Variants in CCDC171 observed in about 807,000 individuals in gnomAD.
CCDC171 encodes the protein coiled-coil domain-containing protein 171.
In CCDC171, 177 loss-of-function variants were observed where a neutral mutation model predicts 168.2. That is an observed-to-expected ratio of 1.05 (90% CI 0.93 to 1.19). The LOEUF (loss-of-function observed/expected upper bound fraction) is 1.19, where lower values mean the gene tolerates loss of function less well. Ranked by LOEUF, CCDC171 falls within the 50% of genes most tolerant of loss-of-function variation. CCDC171 has a pLI of 0.00. For synonymous variants in CCDC171, 687 were observed against 540.8 expected (o/e 1.27, Z -3.75); for missense variants, 1,991 against 1,539.0 (o/e 1.29, Z -4.91).
At chr9:15,990,779 G>A (rs910775128) in intron 3 of CCDC171, among the ~76,000 whole-genome samples, 3 of 152,154 alleles carry the variant, frequency 2.0e-5, no homozygotes, top group Non-Finnish European at 4.4e-5. Context: ...TGCAATCCTG[G>A]TCTCTGATAA....
chr9:15,768,959 A>T (rs2056872763), intron 18 of CCDC171, among the ~76,000 whole-genome samples: 1 of 152,200 alleles, frequency 6.6e-6, no homozygotes, highest in Non-Finnish European at 1.5e-5. Flanking sequence ...CCAGATTCTC[A>T]TCTGTTTGTA....
At chr9:15,685,858 C>G (rs933484017) in intron 10 of CCDC171, among the ~76,000 whole-genome samples, 1 of 152,146 alleles carries the variant, frequency 6.6e-6, no homozygotes, top group Non-Finnish European at 1.5e-5. Context: ...CCAGACATCT[C>G]TGTAGAATGA....
intron 24 of CCDC171, among the ~76,000 whole-genome samples, chr9:15,913,019 C>T (rs555779291): frequency 2.6e-5 from 4 of 152,248 alleles, no homozygotes; most frequent in African/African-American, 7.2e-5. Context: ...TGTGTCTCTG[C>T]CAGGTTTTGC....
chr9:15,649,016 A>T (rs1473714942), intron 7 of CCDC171, among the ~76,000 whole-genome samples: 2 of 152,220 alleles, frequency 1.3e-5, no homozygotes, highest in Admixed American at 6.5e-5. Context: ...GGCTACAGTA[A>T]CCAAAACAGC....
intron 10 of CCDC171, among the ~76,000 whole-genome samples, chr9:15,693,706 A>G (rs2050997917): frequency 6.6e-6 from 1 of 152,174 alleles, no homozygotes; most frequent in African/African-American, 2.4e-5. Context: ...TAAGGATGTA[A>G]GTTTGTCTTA....
intron 25 of CCDC171, among the ~76,000 whole-genome samples, chr9:15,921,356 C>T (rs10810478): frequency 9.2e-5 from 14 of 151,756 alleles, no homozygotes; most frequent in African/African-American, 2.7e-4. Flanking sequence ...ACTCTCCCTG[C>T]CCCCTGAAAA....
chr9:15,920,316 G>A lies in CCDC171; in HGVS notation c.3647G>A (p.Arg1216Lys). The change falls in exon 25 of 26, where the codon AGA becomes AAA. Residue 1216 changes from arginine (R) to lysine (K), a missense_variant. By Grantham distance (26) the Arg-to-Lys change is conservative. Transcript: ENST00000380701. ...GATGTCTACCAGCTTGCAAGCACTA[G>A]AATCATGACATTAGAGAAGGAAATG... ...FMDVYQLAST[R>K]IMTLEKEMTS... is the part of the protein sequence containing the mutation. 6.2e-7 allele frequency: 1 copy of A among 1,607,398 alleles called. No individual in the cohort carries two copies. Among genetic ancestry groups the A allele is most frequent in the Non-Finnish European group, 8.5e-7 (1 of 1,175,708 alleles).
intron 6 of CCDC171, among the ~76,000 whole-genome samples, chr9:15,618,054 G>A: frequency 6.6e-6 from 1 of 152,188 alleles, no homozygotes; most frequent in East Asian, 1.9e-4. Context: ...AATCCCCCTT[G>A]TCAGGATCAG....
chr9:16,082,375 G>C, the CCDC171 span, among the ~76,000 whole-genome samples: 1 of 152,174 alleles, frequency 6.6e-6, no homozygotes, highest in South Asian at 2.1e-4. Context: ...CAGGTCACAT[G>C]AGTTTCCAAG....
At chr9:15,945,723 GGTT>G (rs1196296517) in intron 25 of CCDC171, among the ~76,000 whole-genome samples, 2 of 151,408 alleles carry the variant, frequency 1.3e-5, no homozygotes, top group Non-Finnish European at 3.0e-5. Flanking sequence ...TTTTTGATGG[GGTT>G]GTTTGTTTTT....
intron 23 of CCDC171, among the ~76,000 whole-genome samples, chr9:15,851,086 C>T (rs181968697): frequency 9.0e-4 from 137 of 152,000 alleles, no homozygotes; most frequent in African/African-American, 2.9e-3. Flanking sequence ...TTCCTGCAGA[C>T]GTTATTTCTT....
intron 6 of CCDC171, among the ~76,000 whole-genome samples, chr9:15,606,543 A>G (rs576180047): frequency 5.9e-5 from 9 of 152,314 alleles, no homozygotes; most frequent in African/African-American, 1.9e-4. Flanking sequence ...AATGTAATAG[A>G]TTAAGGTTGT....
At chr9:16,043,933 G>T (rs1445642498) in intron 1 of CCDC171, among the ~76,000 whole-genome samples, 1 of 152,202 alleles carries the variant, frequency 6.6e-6, no homozygotes, top group Admixed American at 6.5e-5. Context: ...GGTCTGGAAT[G>T]CATGGTTAGC....
intron 3 of CCDC171, among the ~76,000 whole-genome samples, chr9:15,987,796 A>T (rs1476404255): frequency 2.6e-5 from 4 of 152,198 alleles, no homozygotes; most frequent in African/African-American, 9.6e-5. Flanking sequence ...ATACATAATG[A>T]GATATCTTGG....
At chr9:15,567,290 G>A (rs1412931439) in intron 2 of CCDC171, among the ~76,000 whole-genome samples, 1 of 152,156 alleles carries the variant, frequency 6.6e-6, no homozygotes, top group African/African-American at 2.4e-5. Flanking sequence ...ACAGTGCTGG[G>A]ATTACAGGCG....
At chr9:15,914,577 C>T (rs1824213054) in intron 24 of CCDC171, among the ~76,000 whole-genome samples, 1 of 152,160 alleles carries the variant, frequency 6.6e-6, no homozygotes, top group Non-Finnish European at 1.5e-5. Context: ...TCTTAGCTTG[C>T]TGGGTTCCAT....
intron 24 of CCDC171, among the ~76,000 whole-genome samples, chr9:15,919,885 T>C (rs1027142218): frequency 6.6e-6 from 1 of 151,694 alleles, no homozygotes; most frequent in African/African-American, 2.4e-5. Context: ...TCAGCTTATT[T>C]TGAAATACCT....
At chr9:15,988,885 G>T (rs1372886484) in intron 3 of CCDC171, among the ~76,000 whole-genome samples, 1 of 152,178 alleles carries the variant, frequency 6.6e-6, no homozygotes, top group African/African-American at 2.4e-5. Flanking sequence ...TGGGGGAGGG[G>T]TGCCTGCCAT....
At chr9:15,708,702 A>T (rs2052433172) in intron 11 of CCDC171, among the ~76,000 whole-genome samples, 2 of 152,182 alleles carry the variant, frequency 1.3e-5, no homozygotes, top group South Asian at 4.1e-4. Flanking sequence ...AGCAGTTCAT[A>T]CTAGAGATAA....
Sources: allele counts gnomAD v4.1 joint callset (sites outside exome capture counted in the v4.1 genomes callset), GRCh38; gene constraint gnomAD v4.1.1; transcripts MANE v1.5; gene names NCBI Gene and HGNC (gene_info 2026-07-23, HGNC 2026-07-21).